The following TBC1D22A variants were observed in gnomAD, a reference collection of about 807,000 sequenced individuals.
TBC1D22A encodes putative GTPase activator.
TBC1D22A carries 38 observed loss-of-function variants against 60.2 expected under a neutral mutation model. The ratio of observed to expected loss-of-function variants is 0.63; its 90% CI spans 0.49 to 0.83. The LOEUF is 0.83. Among genes scored for constraint, TBC1D22A ranks in the 40% least tolerant of loss-of-function variants. The probability of loss-of-function intolerance (pLI) is 0.00; values close to 1 mark genes in which losing one functional copy is unlikely to be tolerated. For missense variants in TBC1D22A, 628 were observed against 701.0 expected, an observed-to-expected ratio of 0.90 and a Z score of 1.18; for synonymous variants, 302 against 281.7, an observed-to-expected ratio of 1.07 and a Z score of -0.72.
chr22:46,977,699 G>A (rs2074357577), intron 9 of TBC1D22A, among the ~76,000 whole-genome samples: 1 of 152,210 alleles, frequency 6.6e-6, no homozygotes, highest in African/African-American at 2.4e-5. Context: ...CATAGCTGAG[G>A]AGGCTTCAGG....
intron 8 of TBC1D22A, among the ~76,000 whole-genome samples, chr22:46,935,087 CTG>C (rs1250786371): frequency 6.6e-6 from 1 of 152,144 alleles, no homozygotes; most frequent in African/African-American, 2.4e-5. Flanking sequence ...GGTGAGTCAT[CTG>C]TGTGTCAGGC....
intron 11 of TBC1D22A, among the ~76,000 whole-genome samples, chr22:47,100,159 C>T (rs1422386538): frequency 6.6e-6 from 1 of 152,184 alleles, no homozygotes; most frequent in African/African-American, 2.4e-5. Context: ...CCGGTCCTGG[C>T]TTGTTCTTAG....
intron 12 of TBC1D22A, among the ~76,000 whole-genome samples, chr22:47,159,292 C>T (rs1334077603): frequency 1.4e-5 from 2 of 139,066 alleles, no homozygotes; most frequent in African/African-American, 2.9e-5. Flanking sequence ...ACACACTACA[C>T]ACCCCACACA....
In TBC1D22A at chr22:46,994,151, C is replaced by T. The variant is rs141726151; in HGVS notation, c.1126-3483C>T. On this transcript the variant is annotated intron_variant, in intron 9 of 12. Transcript: ENST00000337137. ...TTAATTGTTTGGATTTCTGAGAATC[C>T]GTCTTCCCTACCTGGGTTTTGAACA... 3.6e-4 allele frequency among the ~76,000 whole-genome samples: 55 copies of T among 152,278 alleles called. No individual in the cohort carries two copies. The East Asian group carries it at 6.0e-3, about 17-fold the overall frequency.
At chr22:46,925,906 A>T (rs2071021630) in intron 8 of TBC1D22A, among the ~76,000 whole-genome samples, 1 of 152,210 alleles carries the variant, frequency 6.6e-6, no homozygotes. Flanking sequence ...ACAATAGACC[A>T]TATGCTAGGC....
chr22:46,961,842 T>C (rs1005194030), intron 8 of TBC1D22A, among the ~76,000 whole-genome samples: 3 of 152,198 alleles, frequency 2.0e-5, no homozygotes, highest in Non-Finnish European at 2.9e-5. Context: ...CAGAGAGGCA[T>C]GTGAGAGCCC....
At chr22:46,800,172 G>A (rs1226617753) in intron 4 of TBC1D22A, among the ~76,000 whole-genome samples, 1 of 152,138 alleles carries the variant, frequency 6.6e-6, no homozygotes, top group African/African-American at 2.4e-5. Context: ...GTTGGGCAGC[G>A]GGTTATTCCT....
chr22:46,894,934 G>A, intron 7 of TBC1D22A, 88 bp downstream of exon 7: 4 of 1,465,690 alleles, frequency 2.7e-6, no homozygotes, highest in Non-Finnish European at 3.8e-6. Context: ...AGCCGGAGGT[G>A]CTTCACCCAG....
intron 10 of TBC1D22A, among the ~76,000 whole-genome samples, chr22:47,015,996 C>T (rs988060378): frequency 2.6e-5 from 4 of 152,104 alleles, no homozygotes; most frequent in African/African-American, 9.7e-5. Context: ...GCCCTCCACA[C>T]TCCACGTGCC....
chr22:46,967,348 A>G (rs941007928), intron 8 of TBC1D22A, among the ~76,000 whole-genome samples: 2 of 152,244 alleles, frequency 1.3e-5, no homozygotes, highest in Admixed American at 6.5e-5. Flanking sequence ...GAAGTGTTCA[A>G]ATCTCTCTCA....
chr22:47,141,465 C>T (rs2067082895), intron 12 of TBC1D22A, among the ~76,000 whole-genome samples: 1 of 152,244 alleles, frequency 6.6e-6, no homozygotes, highest in African/African-American at 2.4e-5. Context: ...CCAGCTCTCC[C>T]ACAGAGGGCA....
At chr22:47,138,264 C>G (rs1420261310) in intron 12 of TBC1D22A, among the ~76,000 whole-genome samples, 1 of 152,214 alleles carries the variant, frequency 6.6e-6, no homozygotes, top group Non-Finnish European at 1.5e-5. Flanking sequence ...GTGCTCTGTG[C>G]CCCCAGCTAA....
At chr22:46,984,821 A>G (rs1005852022) in intron 9 of TBC1D22A, among the ~76,000 whole-genome samples, 2 of 152,238 alleles carry the variant, frequency 1.3e-5, no homozygotes, top group Admixed American at 1.3e-4. Context: ...GGCCAGGCCC[A>G]TGACTCGGGG....
chr22:47,130,879 G>C (rs779026114), intron 12 of TBC1D22A, among the ~76,000 whole-genome samples: 3 of 152,194 alleles, frequency 2.0e-5, no homozygotes, highest in African/African-American at 4.8e-5. Flanking sequence ...ACCCTGGCCT[G>C]GGTAATTTAT....
At chr22:46,848,245 GA>G (rs2087110540) in intron 4 of TBC1D22A, among the ~76,000 whole-genome samples, 1 of 152,236 alleles carries the variant, frequency 6.6e-6, no homozygotes, top group Non-Finnish European at 1.5e-5. Context: ...AAGAGCCCCA[GA>G]AGTATTCTAG....
chr22:47,013,917 C>G (rs144690472), intron 10 of TBC1D22A, among the ~76,000 whole-genome samples: 1 of 152,334 alleles, frequency 6.6e-6, no homozygotes, highest in African/African-American at 2.4e-5. Flanking sequence ...CTGCACACGG[C>G]CAGTCCTCCC....
At chr22:46,948,474 C>T (rs9615427) in intron 8 of TBC1D22A, among the ~76,000 whole-genome samples, 8,500 of 152,290 alleles carry the variant, frequency 0.056, 349 homozygotes, top group Non-Finnish European at 0.088. Flanking sequence ...GTAGAGTCTC[C>T]TCCACCAAAA....
At chr22:46,961,401 C>T (rs1312359785) in intron 8 of TBC1D22A, among the ~76,000 whole-genome samples, 1 of 152,166 alleles carries the variant, frequency 6.6e-6, no homozygotes, top group Non-Finnish European at 1.5e-5. Flanking sequence ...CACCTTAGCT[C>T]ATAGTGCATT....
chr22:46,776,610 T>C (rs1400887505), intron 1 of TBC1D22A, among the ~76,000 whole-genome samples: 1 of 151,746 alleles, frequency 6.6e-6, no homozygotes, highest in African/African-American at 2.4e-5. Context: ...AGACAGAGGC[T>C]CAGGTCAAGG....
Sources: allele counts gnomAD v4.1 joint callset (sites outside exome capture counted in the v4.1 genomes callset), GRCh38; gene constraint gnomAD v4.1.1; transcripts MANE v1.5; gene names NCBI Gene and HGNC (gene_info 2026-07-23, HGNC 2026-07-21).